The following CPT1A variants were observed in gnomAD, a reference collection of about 807,000 sequenced individuals.
CPT1A encodes the protein carnitine O-palmitoyltransferase 1, liver isoform.
Under a neutral mutation model 100.8 loss-of-function variants are expected in CPT1A, and 64 were observed. The observed-to-expected ratio is 0.63, with a 90% confidence interval of 0.52 to 0.78. The LOEUF is 0.78. Ranked by LOEUF, CPT1A falls within the 30% of genes least tolerant of loss-of-function variation. CPT1A has a pLI of 0.00. For synonymous variants in CPT1A, 363 were observed against 396.0 expected, an observed-to-expected ratio of 0.92 and a Z score of 0.99; for missense variants, 802 against 1,034.1, an observed-to-expected ratio of 0.78 and a Z score of 3.08.
At chr11:68,802,428 T>C (rs865941636) in intron 5 of CPT1A, among the ~76,000 whole-genome samples, 3 of 19,434 alleles carry the variant, frequency 1.5e-4, no homozygotes, top group African/African-American at 3.0e-4. Context: ...ACTCCGTCTC[T>C]GGAAAAAAAA....
chr11:68,773,458 G>T, intron 13 of CPT1A, 29 bp from the exon 14 acceptor site: 1 of 1,613,856 alleles, frequency 6.2e-7, no homozygotes. Context: ...AAGGTTTTAC[G>T]GAACGAGGGG....
In CPT1A at chr11:68,757,293, C is replaced by A. The variant is rs1946710109; in HGVS notation, c.*351G>T. The A allele has an allele frequency of 8.5e-7, 1 of 1,172,134 alleles. No individual in the cohort carries two copies. Among genetic ancestry groups the A allele is most frequent in the Non-Finnish European group, 1.1e-6 (1 of 940,884 alleles). 72.6% of individuals were successfully genotyped at this position (1,172,134 alleles called of 1,614,324 possible). A position where few individuals can be genotyped will look rare whatever the true frequency, so the allele number is the denominator to read the frequency against. On this transcript the variant is annotated 3_prime_UTR_variant, in exon 19 of 19. Coordinates refer to ENST00000265641, the MANE Select transcript of CPT1A (RefSeq NM_001876.4). ...TTAAGCACTAGGCCTTCGGTTGCCA[C>A]TGAGAAAGCACACCATTTCCATTCC...
chr11:68,759,531 C>A (rs760885032), intron 18 of CPT1A, 38 bp downstream of exon 18: 3 of 1,299,468 alleles, frequency 2.3e-6, no homozygotes, highest in African/African-American at 1.5e-5. Context: ...AGCAAAAATA[C>A]CCCATCTTCA....
intron 1 of CPT1A, among the ~76,000 whole-genome samples, chr11:68,818,893 T>C (rs2154001715): frequency 6.6e-6 from 1 of 151,946 alleles, no homozygotes; most frequent in East Asian, 1.9e-4. Flanking sequence ...TATTTACATA[T>C]TATTTAGTAG....
intron 2 of CPT1A, among the ~76,000 whole-genome samples, chr11:68,813,688 C>A (rs1201005018): frequency 1.6e-5 from 2 of 125,462 alleles, no homozygotes; most frequent in Non-Finnish European, 1.8e-5. Context: ...CAGAGCAAGA[C>A]CCTGTCTCAA....
At chr11:68,760,024 G>A (rs368731464) in intron 17 of CPT1A, among the ~76,000 whole-genome samples, 1 of 152,150 alleles carries the variant, frequency 6.6e-6, no homozygotes, top group South Asian at 2.1e-4. Flanking sequence ...CTGGGTGACA[G>A]AGCGAGACCT....
In CPT1A at chr11:68,791,677, C is replaced by T. The variant is rs916619103; in HGVS notation, c.967+1638G>A. 7.2e-5 allele frequency among the ~76,000 whole-genome samples: 11 copies of T among 152,246 alleles called. No individual in the cohort carries two copies. The East Asian group carries it at 9.7e-4, about 13-fold the overall frequency. ...TTAGCCTCCCAAGTAGCTGGGATTA[C>T]GGGTGCCCACCACCATACCTGGCTA... On this transcript the variant is annotated intron_variant, in intron 9 of 18. Transcript: ENST00000265641.
chr11:68,808,071 G>A (rs1292820947), intron 3 of CPT1A, among the ~76,000 whole-genome samples: 4 of 152,234 alleles, frequency 2.6e-5, no homozygotes, highest in South Asian at 2.1e-4. Flanking sequence ...CGACCTGTGC[G>A]TCCCCGGCAG....
intron 14 of CPT1A, among the ~76,000 whole-genome samples, chr11:68,764,254 C>T (rs1042908522): frequency 6.6e-6 from 1 of 152,184 alleles, no homozygotes; most frequent in Non-Finnish European, 1.5e-5. Context: ...GGACCAGGTT[C>T]CAAGTGGGGA....
Position 68,760,219 on chromosome 11 carries a change from A to G in CPT1A, c.2142+6T>C, listed in dbSNP as rs777779540. 6.2e-7 allele frequency: 1 copy of G among 1,602,200 alleles called. No individual in the cohort carries two copies. Among genetic ancestry groups the G allele is most frequent in the South Asian group, 1.1e-5 (1 of 89,538 alleles). On this transcript the variant is annotated splice_donor_region_variant and intron_variant, in intron 17 of 18. Transcript: ENST00000265641. ...ACTGCGCCTCGCCCAGCCCCGCCGC[A>G]CTCACCGGTCCAAAGCCCCCTCCGC...
At chr11:68,799,593 A>T (rs1280402584) in intron 5 of CPT1A, among the ~76,000 whole-genome samples, 1 of 152,038 alleles carries the variant, frequency 6.6e-6, no homozygotes, top group Non-Finnish European at 1.5e-5. Flanking sequence ...TACAAAAAAA[A>T]ACAAGACAAA....
chr11:68,839,448 C>A, intron 1 of CPT1A: 1 of 939,710 alleles, frequency 1.1e-6, no homozygotes, highest in Non-Finnish European at 1.3e-6. Flanking sequence ...GCGTCCCAGG[C>A]GCTCGGATCC....
At chr11:68,770,059 C>A (rs113855895) in intron 14 of CPT1A, among the ~76,000 whole-genome samples, 67 of 145,486 alleles carry the variant, frequency 4.6e-4, no homozygotes, top group African/African-American at 6.6e-4. Context: ...GGCTCCGTCT[C>A]AAAAAAAAAA....
At chr11:68,805,707 G>A (rs532360884) in intron 4 of CPT1A, among the ~76,000 whole-genome samples, 156 of 152,298 alleles carry the variant, frequency 1.0e-3, no homozygotes, top group African/African-American at 3.5e-3. Context: ...AGCCCCATTC[G>A]AGAAAGATTC....
In CPT1A at chr11:68,831,116, A is replaced by G. The variant is rs1382013698; in HGVS notation, c.-14+10659T>C. Among the ~76,000 whole-genome samples, 11 of 152,350 alleles carry G rather than the reference A, an allele frequency of 7.2e-5. No individual in the cohort carries two copies. In the South Asian group the frequency reaches 1.2e-3, roughly 17 times the overall value. The stretch of plus-strand genomic sequence containing the variant: ...AACTGCTCTGGTACTTTGTTTTTTG[A>G]AAGTGTTCACTTTGTTCCCTTTCTC... On this transcript the variant is annotated intron_variant, in intron 1 of 18. Transcript: ENST00000265641.
intron 14 of CPT1A, among the ~76,000 whole-genome samples, chr11:68,766,719 C>T (rs1184912420): frequency 6.6e-6 from 1 of 151,810 alleles, no homozygotes; most frequent in Non-Finnish European, 1.5e-5. Context: ...AACTTCTGAC[C>T]TCAGGTGATC....
At chr11:68,764,265 C>T (rs185754686) in intron 14 of CPT1A, among the ~76,000 whole-genome samples, 14 of 152,280 alleles carry the variant, frequency 9.2e-5, no homozygotes, top group South Asian at 2.1e-4. Context: ...CAAGTGGGGA[C>T]GAGAAGGTGA....
Position 68,757,218 on chromosome 11 carries a change from T to G in CPT1A, c.*426A>C. 1.2e-6 allele frequency: 1 copy of G among 859,578 alleles called. No individual in the cohort carries two copies. Among genetic ancestry groups the G allele is most frequent in the Non-Finnish European group, 1.4e-6 (1 of 691,098 alleles). The allele number at this position is 859,578 out of a possible 1,614,324, so 53.2% of individuals were successfully genotyped here. On this transcript the variant is annotated 3_prime_UTR_variant, in exon 19 of 19. Transcript: ENST00000265641. ...GGACACCAACTTGAATAACACATTT[T>G]TCTTTTAACAAAACAAAAGTTTACC...
chr11:68,772,872 A>T (rs1855028266), intron 14 of CPT1A, among the ~76,000 whole-genome samples: 1 of 152,128 alleles, frequency 6.6e-6, no homozygotes. Context: ...TGTGAAGTGC[A>T]GATTTACCGA....
Sources: gnomAD v4.1 joint callset for allele counts (sites outside exome capture counted in the v4.1 genomes callset) on GRCh38, gnomAD v4.1.1 for gene constraint, MANE v1.5 for transcripts, NCBI Gene and HGNC (gene_info 2026-07-23, HGNC 2026-07-21) for gene names.